The following ACTR3B variants were observed in gnomAD, a reference collection of about 807,000 sequenced individuals.
The protein encoded by ACTR3B is actin related protein 3B.
In ACTR3B, 8 loss-of-function variants were observed where a neutral mutation model predicts 59.0. That is an observed-to-expected ratio of 0.14 (90% CI 0.08 to 0.24). The LOEUF is 0.24. Among genes scored for constraint, ACTR3B ranks in the 10% least tolerant of loss-of-function variants. The probability of loss-of-function intolerance (pLI) is 1.00; values close to 1 mark genes in which losing one functional copy is unlikely to be tolerated. For synonymous variants in ACTR3B, 148 were observed against 197.9 expected, an observed-to-expected ratio of 0.75 and a Z score of 2.12; for missense variants, 245 against 552.3, an observed-to-expected ratio of 0.44 and a Z score of 5.58.
intron 9 of ACTR3B, among the ~76,000 whole-genome samples, chr7:152,845,296 A>C (rs867509767): frequency 0.043 from 6,416 of 148,508 alleles, 133 homozygotes; most frequent in African/African-American, 0.062. Context: ...TCATTTGCTG[A>C]GTACTTTCTG....
intron 1 of ACTR3B, among the ~76,000 whole-genome samples, chr7:152,771,723 G>A (rs1334331268): frequency 6.6e-6 from 1 of 152,224 alleles, no homozygotes; most frequent in Non-Finnish European, 1.5e-5. Context: ...AGGACTCACT[G>A]TGAACTGTAA....
At chr7:152,772,276 T>C (rs2116538621) in intron 1 of ACTR3B, among the ~76,000 whole-genome samples, 1 of 150,418 alleles carries the variant, frequency 6.6e-6, no homozygotes, top group South Asian at 2.1e-4. Context: ...CCCAGCACTT[T>C]GGGAGGCCAA....
chr7:152,854,532 C>A lies in ACTR3B; in HGVS notation c.1236C>A (p.Pro412=), dbSNP rs763194329. 3 of 1,614,136 alleles carry A rather than the reference C, an allele frequency of 1.9e-6. No homozygotes were observed. The highest frequency in any genetic ancestry group is 2.5e-6 in the Non-Finnish European group (3 of 1,180,024). ...GGCCCAGCATCTGCCGCCACAACCC[C>A]GTCTTTGGAGTCATGTCCTAGTGTC... ...EYGPSICRHN[P]VFGVMS Residue 412 remains proline, a synonymous_variant, in exon 12 of 12, where the codon CCC becomes CCA. Coordinates refer to ENST00000256001, the MANE Select transcript of ACTR3B (RefSeq NM_020445.6). This position sits in a 1 kb window ranked among gnomAD's most constrained non-coding sequence, Gnocchi z 4.9.
At position 152,854,013 on chromosome 7, in the gene ACTR3B, C is replaced by T; in HGVS notation, c.1161+436C>T. 6.6e-6 allele frequency among the ~76,000 whole-genome samples: 1 copy of T among 152,148 alleles called. No homozygotes were observed. Among genetic ancestry groups the T allele is most frequent in the Non-Finnish European group, 1.5e-5 (1 of 68,028 alleles). ...AAAGTGCTGCAATTACAGGTGTGAG[C>T]CTCTGTGCCCGGCCCGATATAAACT... On this transcript the variant is annotated intron_variant, in intron 11 of 11. Coordinates refer to ENST00000256001, the MANE Select transcript of ACTR3B (RefSeq NM_020445.6). The surrounding 1 kb of genome is among the most constrained non-coding windows in gnomAD (Gnocchi z 4.9).
At chr7:152,843,081 A>G (rs552669002) in intron 9 of ACTR3B, among the ~76,000 whole-genome samples, 1 of 152,184 alleles carries the variant, frequency 6.6e-6, no homozygotes, top group African/African-American at 2.4e-5. Context: ...TTCTTCAGAT[A>G]TCCTGGATAC....
chr7:152,823,705 G>A (rs1370980015), intron 8 of ACTR3B, among the ~76,000 whole-genome samples, 190 bp downstream of exon 8: 2 of 152,126 alleles, frequency 1.3e-5, no homozygotes, highest in Admixed American at 1.3e-4. Flanking sequence ...CTGGTTATCT[G>A]TTTTAATAGT....
intron 9 of ACTR3B, among the ~76,000 whole-genome samples, chr7:152,845,201 T>A (rs1167760538): frequency 6.6e-6 from 1 of 151,734 alleles, no homozygotes; most frequent in Non-Finnish European, 1.5e-5. Context: ...TAATATAATA[T>A]ACGTTATAAC....
At chr7:152,829,799 G>T (rs1796879267) in intron 9 of ACTR3B, among the ~76,000 whole-genome samples, 1 of 152,210 alleles carries the variant, frequency 6.6e-6, no homozygotes, top group Non-Finnish European at 1.5e-5. Context: ...GGATCAGCCA[G>T]CGTTTAGTAA....
At chr7:152,784,893 C>T (rs575904152) in intron 2 of ACTR3B, among the ~76,000 whole-genome samples, 254 of 152,134 alleles carry the variant, frequency 1.7e-3, no homozygotes, top group African/African-American at 6.0e-3. Flanking sequence ...CAAATACAGT[C>T]ACATTGAGGG....
chr7:152,779,320 C>G (rs1345001711), intron 1 of ACTR3B, among the ~76,000 whole-genome samples: 1 of 152,042 alleles, frequency 6.6e-6, no homozygotes, highest in African/African-American at 2.4e-5. Context: ...CCACATGTGG[C>G]TTATTCTTCC....
At chr7:152,769,073 G>C (rs1260918762) in intron 1 of ACTR3B, among the ~76,000 whole-genome samples, 1 of 151,810 alleles carries the variant, frequency 6.6e-6, no homozygotes, top group Non-Finnish European at 1.5e-5. Context: ...GGCTGGTCTC[G>C]AACTCCTGAC....
chr7:152,835,612 C>T (rs1482615332), intron 9 of ACTR3B, among the ~76,000 whole-genome samples: 5 of 152,144 alleles, frequency 3.3e-5, no homozygotes, highest in Admixed American at 2.0e-4. Flanking sequence ...TGCTTGGTGC[C>T]GTTTCCTCAA....
At chr7:152,776,947 A>G (rs2116571490) in intron 1 of ACTR3B, among the ~76,000 whole-genome samples, 1 of 152,316 alleles carries the variant, frequency 6.6e-6, no homozygotes, top group African/African-American at 2.4e-5. Context: ...AATATAATTT[A>G]TTTAATATAT....
At chr7:152,822,852 A>G (rs1417862328) in intron 7 of ACTR3B, among the ~76,000 whole-genome samples, 1 of 152,140 alleles carries the variant, frequency 6.6e-6, no homozygotes, top group Non-Finnish European at 1.5e-5. Flanking sequence ...GACAGTGGCC[A>G]CCCGGCTTGT....
intron 4 of ACTR3B, among the ~76,000 whole-genome samples, chr7:152,804,522 C>A (rs1046381998): frequency 1.3e-5 from 2 of 152,142 alleles, no homozygotes; most frequent in Non-Finnish European, 2.9e-5. Flanking sequence ...CTCTGGCACA[C>A]AGAGTCTTGA....
rs2116875858 is a variant in ACTR3B, at chr7:152,824,879, TG to T, written c.859-148del. 2 of 910,178 alleles carry T rather than the reference TG, an allele frequency of 2.2e-6. No individual in the cohort carries two copies. The highest frequency in any genetic ancestry group is 2.7e-5 in the East Asian group (1 of 36,476). The allele number at this position is 910,178 out of a possible 1,614,324, so 56.4% of individuals were successfully genotyped here. On this transcript the variant is annotated intron_variant, in intron 8 of 11. Transcript: ENST00000256001. This position sits in a 1 kb window ranked among gnomAD's most constrained non-coding sequence, Gnocchi z 4.2. ...ACCGCTCCACGCACTTGTAGTCACA[TG>T]GGATTCATTTGACATATCCTTCATT...
intron 2 of ACTR3B, among the ~76,000 whole-genome samples, chr7:152,790,080 C>A (rs532744049): frequency 2.0e-4 from 28 of 137,838 alleles, no homozygotes; most frequent in African/African-American, 7.7e-4. Context: ...GCAGCCTTGA[C>A]TTTCCAGGTT....
At chr7:152,828,687 T>G (rs1432960255) in intron 9 of ACTR3B, among the ~76,000 whole-genome samples, 2 of 152,202 alleles carry the variant, frequency 1.3e-5, no homozygotes, top group Non-Finnish European at 2.9e-5. Flanking sequence ...TTCCTCTTGG[T>G]TCACTATGCA....
At chr7:152,796,053 C>G (rs1489043407) in intron 2 of ACTR3B, among the ~76,000 whole-genome samples, 1 of 152,134 alleles carries the variant, frequency 6.6e-6, no homozygotes, top group Middle Eastern at 3.2e-3. Flanking sequence ...CCATGTTGGT[C>G]AGGCTGGTCT....
Sources: allele counts gnomAD v4.1 joint callset (sites outside exome capture counted in the v4.1 genomes callset), GRCh38; gene constraint gnomAD v4.1.1; non-coding constraint Gnocchi (gnomAD v3.1); transcripts MANE v1.5; gene names NCBI Gene and HGNC (gene_info 2026-07-23, HGNC 2026-07-21).